Variants in MTF1 observed in about 807,000 individuals in gnomAD.
The protein encoded by MTF1 is metal regulatory transcription factor 1.
MTF1 carries 22 observed loss-of-function variants against 70.4 expected under a neutral mutation model. That is an observed-to-expected ratio of 0.31 (90% CI 0.22 to 0.45). MTF1 has a LOEUF of 0.45. MTF1 is among the 20% of genes least tolerant of loss of function. The probability of loss-of-function intolerance (pLI) is 1.00; values close to 1 mark genes in which losing one functional copy is unlikely to be tolerated. For missense variants in MTF1, 649 were observed against 922.0 expected (o/e 0.70, Z 3.83); for synonymous variants, 333 against 352.8 (o/e 0.94, Z 0.63).
intron 2 of MTF1, among the ~76,000 whole-genome samples, chr1:37,845,706 T>C (rs888663603): frequency 1.3e-5 from 2 of 152,294 alleles, no homozygotes; most frequent in South Asian, 2.1e-4. Flanking sequence ...GGTCTCACTA[T>C]GTTAGGCCAG....
At chr1:37,848,648 A>C (rs1240902375) in intron 2 of MTF1, among the ~76,000 whole-genome samples, 3 of 152,230 alleles carry the variant, frequency 2.0e-5, no homozygotes, top group African/African-American at 7.2e-5. Context: ...TCCCTTTTCC[A>C]GGCCAGTGGA....
At position 37,815,644 on chromosome 1, in the gene MTF1, G is replaced by A. The variant is rs1557584506; in HGVS notation, c.1832-78C>T. On this transcript the variant is annotated intron_variant, in intron 10 of 10. Transcript: ENST00000373036. This position sits in a 1 kb window ranked among gnomAD's most constrained non-coding sequence, Gnocchi z 4.5. ...ATGAGGGACAGGGATACATGGACTA[G>A]GTGAGAGCAGAGTGCCATGGGAACC... is the stretch of plus-strand genomic sequence containing the variant. The A allele has an allele frequency of 1.7e-6, 2 of 1,161,926 alleles. No individual in the cohort carries two copies. The highest frequency in any genetic ancestry group is 4.8e-5 in the East Asian group (2 of 42,090). The allele number at this position is 1,161,926 out of a possible 1,614,324, so 72.0% of individuals were successfully genotyped here.
chr1:37,835,219 C>T lies in MTF1; in HGVS notation c.854-4G>A, dbSNP rs774059902. On this transcript the variant is annotated splice_polypyrimidine_tract_variant and splice_region_variant and intron_variant, in intron 5 of 10. Coordinates refer to ENST00000373036, the MANE Select transcript of MTF1 (RefSeq NM_005955.3). Reference sequence around the variant, plus strand: ...GGGCAGAAGAAGGGTCTTTCACCTGCAAGAATAACAAAGTAGTGTTAATTT... The same window carrying T: ...GGGCAGAAGAAGGGTCTTTCACCTGTAAGAATAACAAAGTAGTGTTAATTT... The T allele has an allele frequency of 9.3e-6, 15 of 1,612,090 alleles. No individual in the cohort carries two copies. In the South Asian group the frequency reaches 1.4e-4, roughly 15 times the overall value.
intron 6 of MTF1, among the ~76,000 whole-genome samples, chr1:37,833,073 A>T (rs2148409534): frequency 6.6e-6 from 1 of 152,232 alleles, no homozygotes; most frequent in African/African-American, 2.4e-5. Flanking sequence ...GCTCCAAAGT[A>T]ACAAACCTAT....
rs766621404 is a variant in MTF1 at position 37,819,951 on chromosome 1, CAAAAAAAAAAAAAA to C, written c.1767+2156_1767+2169del. 1.3e-4 allele frequency among the ~76,000 whole-genome samples: 11 copies of C among 82,700 alleles called. 1 individual carries two copies. Among genetic ancestry groups the C allele is most frequent in the Middle Eastern group, 0.013 (1 of 80 alleles). 54.3% of individuals were successfully genotyped at this position (82,700 alleles called of 152,430 possible). On this transcript the variant is annotated intron_variant, in intron 9 of 10. Coordinates refer to ENST00000373036, the MANE Select transcript of MTF1 (RefSeq NM_005955.3). ...TAGGCAACAGAGCAAGACTCTGACT[CAAAAAAAAAAAAAA>C]AAAAAAAAAAAAAAAAAAAAGGAGA...
intron 2 of MTF1, among the ~76,000 whole-genome samples, chr1:37,842,143 C>T (rs927636233): frequency 1.3e-5 from 2 of 151,840 alleles, no homozygotes; most frequent in Admixed American, 1.3e-4. Context: ...TGGCACATGC[C>T]TATAGTCCCA....
At chr1:37,817,082 G>A (rs1640830700) in intron 10 of MTF1, among the ~76,000 whole-genome samples, 2 of 152,148 alleles carry the variant, frequency 1.3e-5, no homozygotes, top group South Asian at 2.1e-4. Context: ...CTTCATTACT[G>A]TAATTAGAAA....
chr1:37,859,201 G>C (rs1399631668), intron 1 of MTF1, among the ~76,000 whole-genome samples: 1 of 152,256 alleles, frequency 6.6e-6, no homozygotes, highest in Non-Finnish European at 1.5e-5. Context: ...CAGGAGGTTT[G>C]AGGGTAGCCA....
At chr1:37,827,499 A>G (rs1641020830) in intron 7 of MTF1, among the ~76,000 whole-genome samples, 1 of 152,044 alleles carries the variant, frequency 6.6e-6, no homozygotes, top group Non-Finnish European at 1.5e-5. Flanking sequence ...CTGGGACTAC[A>G]GGCGCCTGCC....
In MTF1 at chr1:37,840,210, T is replaced by A; in HGVS notation, c.409-52A>T. ...CAGGACAAAAATGCTGCCCAGGGCT[T>A]AACTCCCCCACCCAGAGCTCAGCTC... On this transcript the variant is annotated intron_variant, in intron 2 of 10. Coordinates refer to ENST00000373036, the MANE Select transcript of MTF1 (RefSeq NM_005955.3). The surrounding 1 kb of genome is among the most constrained non-coding windows in gnomAD (Gnocchi z 4.5). 1 of 1,515,334 alleles carries A rather than the reference T, an allele frequency of 6.6e-7. No individual in the cohort carries two copies. Among genetic ancestry groups the A allele is most frequent in the Non-Finnish European group, 9.2e-7 (1 of 1,092,608 alleles). The allele number at this position is 1,515,334 out of a possible 1,614,324, so 93.9% of individuals were successfully genotyped here. A position where few individuals can be genotyped will look rare whatever the true frequency, so the allele number is the denominator to read the frequency against.
At chr1:37,816,376 A>G (rs1640818919) in intron 10 of MTF1, among the ~76,000 whole-genome samples, 2 of 152,142 alleles carry the variant, frequency 1.3e-5, no homozygotes, top group South Asian at 2.1e-4. Context: ...GTCTCTACAC[A>G]TAATAAAGAA....
At chr1:37,849,430 A>T (rs1198613613) in intron 2 of MTF1, among the ~76,000 whole-genome samples, 3 of 136,346 alleles carry the variant, frequency 2.2e-5, no homozygotes, top group Admixed American at 7.3e-5. Context: ...CACCTCAATT[A>T]AAAAAAAAAA....
At chr1:37,842,185 T>G (rs1641264569) in intron 2 of MTF1, among the ~76,000 whole-genome samples, 1 of 152,158 alleles carries the variant, frequency 6.6e-6, no homozygotes, top group South Asian at 2.1e-4. Flanking sequence ...GAAGATCCAC[T>G]TGAGTCTGGA....
Position 37,810,900 on chromosome 1 carries a change from G to C in MTF1, c.*4236C>G, listed in dbSNP as rs1298132186. The C allele has an allele frequency of 6.6e-6, 1 of 152,406 alleles. No homozygotes were observed. The highest frequency in any genetic ancestry group is 1.9e-4 in the East Asian group (1 of 5,198). 9.4% of individuals were successfully genotyped at this position (152,406 alleles called of 1,614,324 possible). A position where few individuals can be genotyped will look rare whatever the true frequency, so the allele number is the denominator to read the frequency against. ...ACCAACACAGGTAGTATGGGGAGCA[G>C]TATGGAAATGGCTCATGTTGCCCCC... is the stretch of plus-strand genomic sequence containing the variant. On this transcript the variant is annotated 3_prime_UTR_variant, in exon 11 of 11. Coordinates refer to ENST00000373036, the MANE Select transcript of MTF1 (RefSeq NM_005955.3).
intron 7 of MTF1, among the ~76,000 whole-genome samples, chr1:37,830,454 G>A (rs1641069519): frequency 6.6e-6 from 1 of 152,212 alleles, no homozygotes; most frequent in Admixed American, 6.5e-5. Context: ...ATCATTACAA[G>A]CATATTCCTT....
chr1:37,845,050 C>T (rs185068138), intron 2 of MTF1, among the ~76,000 whole-genome samples: 101 of 152,342 alleles, frequency 6.6e-4, no homozygotes, highest in Non-Finnish European at 1.2e-3. Flanking sequence ...AGCTACTTCC[C>T]GGCTGGACTG....
Position 37,859,539 on chromosome 1 carries a change from C to T in MTF1, c.-60G>A, listed in dbSNP as rs1055675568. On this transcript the variant is annotated 5_prime_UTR_variant, in exon 1 of 11. Transcript: ENST00000373036. ...CTAGTTTCGCCTTTTACCTCCGCGG[C>T]TCCCGGCAACGGCGGCAGCAGCAGC... The T allele has an allele frequency of 1.6e-4, 64 of 398,958 alleles. No individual in the cohort carries two copies. The highest frequency in any genetic ancestry group is 1.3e-5 in the Non-Finnish European group (3 of 226,450). The allele number at this position is 398,958 out of a possible 1,614,324, so 24.7% of individuals were successfully genotyped here. A position where few individuals can be genotyped will look rare whatever the true frequency, so the allele number is the denominator to read the frequency against.
At position 37,839,891 on chromosome 1, in the gene MTF1, G is replaced by A. The variant is rs367606369; in HGVS notation, c.647+29C>T. The stretch of plus-strand genomic sequence containing the variant: ...CATCACAACAAGGTCAAGGTCAGAG[G>A]CTGGCAGAGCATTGGAGACGAGACT... On this transcript the variant is annotated intron_variant, in intron 3 of 10. Transcript: ENST00000373036. 4.5e-6 allele frequency: 7 copies of A among 1,565,048 alleles called. No individual in the cohort carries two copies. The African/African-American group carries it at 9.5e-5, about 21-fold the overall frequency.
chr1:37,816,702 A>G (rs1237545582), intron 10 of MTF1, among the ~76,000 whole-genome samples: 1 of 151,794 alleles, frequency 6.6e-6, no homozygotes, highest in African/African-American at 2.4e-5. Context: ...GAAAGAAAAA[A>G]AAGAAAATTA....
Sources: allele counts gnomAD v4.1 joint callset (sites outside exome capture counted in the v4.1 genomes callset), GRCh38; gene constraint gnomAD v4.1.1; non-coding constraint Gnocchi (gnomAD v3.1); transcripts MANE v1.5; gene names NCBI Gene and HGNC (gene_info 2026-07-23, HGNC 2026-07-21).